The following CACNA1C variants were observed in gnomAD, a reference collection of about 807,000 sequenced individuals.
CACNA1C encodes calcium voltage-gated channel subunit alpha1 C.
A neutral mutation model predicts 229.0 loss-of-function variants in CACNA1C; 30 were observed. The ratio of observed to expected loss-of-function variants is 0.13; its 90% CI spans 0.10 to 0.18. CACNA1C has a LOEUF of 0.18. CACNA1C is among the 10% of genes least tolerant of loss of function. The pLI, the probability that CACNA1C is intolerant of heterozygous loss-of-function variation, is 1.00. For synonymous variants in CACNA1C, 1,114 were observed against 1,132.5 expected (o/e 0.98, Z 0.33); for missense variants, 1,658 against 2,845.0 (o/e 0.58, Z 9.49).
In CACNA1C at chr12:2,044,216, G is replaced by A. The variant is rs1042691338; in HGVS notation, c.140-71008G>A. Among the ~76,000 whole-genome samples, 21 of 152,176 alleles carry A rather than the reference G, an allele frequency of 1.4e-4. 1 individual carries two copies. Among genetic ancestry groups the A allele is most frequent in the Non-Finnish European group, 1.8e-4 (12 of 68,034 alleles). ...CCTTCAAGTATGACTTTGACTGAAGGAAGACCTATCTAGCTGGCAGAGGTA... is the reference window on the plus strand; with the variant it reads ...CCTTCAAGTATGACTTTGACTGAAGAAAGACCTATCTAGCTGGCAGAGGTA... On this transcript the variant is annotated intron_variant, in intron 1 of 46. Transcript: ENST00000682462.
intron 1 of CACNA1C, among the ~76,000 whole-genome samples, chr12:2,032,791 G>A (rs1046404377): frequency 6.6e-6 from 1 of 152,142 alleles, no homozygotes; most frequent in Non-Finnish European, 1.5e-5. Flanking sequence ...TGCCATCTCG[G>A]GCTTAGATTT....
intron 10 of CACNA1C, chr12:2,550,598 G>C (rs372658528): frequency 2.4e-5 from 32 of 1,351,474 alleles, no homozygotes; most frequent in Non-Finnish European, 3.1e-5. Flanking sequence ...GGGGTGTCAC[G>C]ACTGTAAACT....
At chr12:2,378,538 A>G (rs1262552944) in intron 3 of CACNA1C, among the ~76,000 whole-genome samples, 2 of 152,242 alleles carry the variant, frequency 1.3e-5, no homozygotes, top group African/African-American at 4.8e-5. Context: ...CATGGGAGCC[A>G]TCTACCCTGT....
chr12:2,183,306 T>TTC (rs1200593182), intron 3 of CACNA1C, among the ~76,000 whole-genome samples: 2 of 151,976 alleles, frequency 1.3e-5, no homozygotes, highest in African/African-American at 4.8e-5. Context: ...AGAACAGAGC[T>TTC]CCTTCGCCTG....
At chr12:2,532,187 T>G (rs1273939685) in intron 9 of CACNA1C, among the ~76,000 whole-genome samples, 1 of 152,180 alleles carries the variant, frequency 6.6e-6, no homozygotes, top group Non-Finnish European at 1.5e-5. Flanking sequence ...CTCTTCTCCC[T>G]TTGTCCTCCC....
At chr12:2,643,622 C>A (rs2093993891) in intron 30 of CACNA1C, among the ~76,000 whole-genome samples, 1 of 152,288 alleles carries the variant, frequency 6.6e-6, no homozygotes, top group East Asian at 1.9e-4. Context: ...GCTGCCATAC[C>A]CAGTGGCTCC....
intron 3 of CACNA1C, among the ~76,000 whole-genome samples, chr12:2,331,396 T>C (rs2096543481): frequency 6.6e-6 from 1 of 152,220 alleles, no homozygotes; most frequent in Non-Finnish European, 1.5e-5. Context: ...TGTGCTTTAC[T>C]GAAAGGAATC....
intron 3 of CACNA1C, among the ~76,000 whole-genome samples, chr12:2,255,371 G>T (rs899012688): frequency 2.0e-5 from 3 of 151,978 alleles, no homozygotes; most frequent in Non-Finnish European, 4.4e-5. Flanking sequence ...GGGGTCATTC[G>T]GGGTGTGACA....
In CACNA1C at chr12:1,971,921, G is replaced by T. The variant is rs2032463786; in HGVS notation, c.139+720G>T. On this transcript the variant is annotated intron_variant, in intron 1 of 46. Coordinates refer to the CACNA1C transcript ENST00000682462. The surrounding 1 kb of genome is among the most constrained non-coding windows in gnomAD (Gnocchi z 4.2). ...TTGTAATCGTCTAATGAGGACATGT[G>T]ATAATGTTTGTGTAAATTTTTAAAA... Among the ~76,000 whole-genome samples the T allele has an allele frequency of 6.6e-6, 1 of 152,174 alleles. No homozygotes were observed. Among genetic ancestry groups the T allele is most frequent in the Non-Finnish European group, 1.5e-5 (1 of 68,022 alleles).
chr12:2,610,793 C>G (rs80202610), intron 28 of CACNA1C, 94 bp downstream of exon 28: 371 of 1,276,088 alleles, frequency 2.9e-4, no homozygotes, highest in Non-Finnish European at 3.8e-4. Context: ...CTCAGTGCAT[C>G]GCTTTCCTGG....
chr12:2,314,478 C>T (rs942534221), intron 3 of CACNA1C, among the ~76,000 whole-genome samples: 2 of 152,240 alleles, frequency 1.3e-5, no homozygotes, highest in Non-Finnish European at 2.9e-5. Context: ...GAACGTTACT[C>T]ACACCTCTCG....
At chr12:2,685,650 C>G in intron 43 of CACNA1C, 86 bp from the exon 44 acceptor site, 1 of 966,964 alleles carries the variant, frequency 1.0e-6, no homozygotes, top group African/African-American at 1.6e-5. Context: ...AGGATCAGAG[C>G]AAAGTGCTTT....
intron 30 of CACNA1C, among the ~76,000 whole-genome samples, chr12:2,640,117 T>G (rs971085924): frequency 7.2e-5 from 11 of 152,136 alleles, no homozygotes; most frequent in Admixed American, 5.9e-4. Context: ...GAGGACACCA[T>G]ACACATGATC....
At position 2,589,426 on chromosome 12, in the gene CACNA1C, G is replaced by A. The variant is rs192900671; in HGVS notation, c.2530+3522G>A. Among the ~76,000 whole-genome samples, 62 of 152,356 alleles carry A rather than the reference G, an allele frequency of 4.1e-4. 2 individuals carry two copies. Among genetic ancestry groups the A allele is most frequent in the African/African-American group, 1.4e-3 (60 of 41,582 alleles). ...AAAGAACTAGACATGGAATCGGAGC[G>A]AAGAGCTCTCTAGGTGGAGACCCTG... On this transcript the variant is annotated intron_variant, in intron 18 of 46. Transcript: ENST00000399655.
chr12:2,586,761 A>G (rs868007026), intron 18 of CACNA1C, among the ~76,000 whole-genome samples: 6 of 152,194 alleles, frequency 3.9e-5, no homozygotes, highest in African/African-American at 1.2e-4. Context: ...TTCTCTGCTT[A>G]GAACACTCAC....
chr12:2,556,846 A>C, intron 10 of CACNA1C, 105 bp from the exon 11 acceptor site: 1 of 900,252 alleles, frequency 1.1e-6, no homozygotes, highest in Non-Finnish European at 1.9e-6. Context: ...TCCAGCACCC[A>C]CACGAAATTA....
chr12:2,301,906 C>T (rs977724430), intron 3 of CACNA1C, among the ~76,000 whole-genome samples: 2 of 152,156 alleles, frequency 1.3e-5, no homozygotes, highest in African/African-American at 4.8e-5. Flanking sequence ...TGAGAGGAGA[C>T]TCGTGGGCAG....
chr12:2,501,068 G>A (rs1013211669), intron 7 of CACNA1C, among the ~76,000 whole-genome samples: 2 of 151,326 alleles, frequency 1.3e-5, no homozygotes, highest in Non-Finnish European at 2.9e-5. Context: ...AATTAGCCAG[G>A]TGTGGTGGCG....
At chr12:2,637,787 A>G (rs116237245) in intron 30 of CACNA1C, among the ~76,000 whole-genome samples, 2,586 of 152,326 alleles carry the variant, frequency 0.017, 76 homozygotes, top group African/African-American at 0.059. Flanking sequence ...ATATATTCCC[A>G]GGGATATGGT....
Sources: gnomAD v4.1 joint callset for allele counts (sites outside exome capture counted in the v4.1 genomes callset) on GRCh38, gnomAD v4.1.1 for gene constraint, Gnocchi (gnomAD v3.1) non-coding constraint, MANE v1.5 for transcripts, NCBI Gene and HGNC (gene_info 2026-07-23, HGNC 2026-07-21) for gene names.